The following TEX9 variants were observed in gnomAD, a reference collection of about 807,000 sequenced individuals.
The protein encoded by TEX9 is testis expressed 9.
A neutral mutation model predicts 59.6 loss-of-function variants in TEX9; 74 were observed. The ratio of observed to expected loss-of-function variants is 1.24; its 90% confidence interval spans 1.03 to 1.51. The LOEUF is 1.51. Ranked by LOEUF, TEX9 falls within the 40% of genes most tolerant of loss-of-function variation. TEX9 has a pLI of 0.00. For missense variants in TEX9, 522 were observed against 447.8 expected (o/e 1.17, Z -1.49); for synonymous variants, 186 against 152.2 (o/e 1.22, Z -1.64).
intron 1 of TEX9, among the ~76,000 whole-genome samples, chr15:56,318,576 A>G (rs147367949): frequency 0.013 from 1,935 of 151,960 alleles, 48 homozygotes; most frequent in African/African-American, 0.044. Context: ...TGTTTTCTAT[A>G]TGTCTTTCAT....
At chr15:56,398,761 G>A (rs1200217448) in intron 9 of TEX9, among the ~76,000 whole-genome samples, 1 of 152,138 alleles carries the variant, frequency 6.6e-6, no homozygotes, top group Non-Finnish European at 1.5e-5. Flanking sequence ...TCCCTTTGTA[G>A]GGGGAGAATT....
At chr15:56,341,993 T>C (rs1217808147) in intron 1 of TEX9, among the ~76,000 whole-genome samples, 1 of 152,118 alleles carries the variant, frequency 6.6e-6, no homozygotes, top group Non-Finnish European at 1.5e-5. Flanking sequence ...TTGTCAGCTA[T>C]GTTTTTTTTT....
chr15:56,320,632 A>T (rs61010710), intron 1 of TEX9, among the ~76,000 whole-genome samples: 3 of 151,980 alleles, frequency 2.0e-5, no homozygotes, highest in African/African-American at 7.3e-5. Context: ...ATTTAACTTC[A>T]GTTACCTATT....
At chr15:56,270,671 GTTA>G (rs1245950050) in intron 1 of TEX9, among the ~76,000 whole-genome samples, 2 of 152,190 alleles carry the variant, frequency 1.3e-5, no homozygotes, top group Non-Finnish European at 2.9e-5. Context: ...ATTTGATCCT[GTTA>G]TTATGATGTT....
At position 56,403,241 on chromosome 15, in the gene TEX9, G is replaced by A. The variant is rs533335447; in HGVS notation, c.828+8407G>A. Reference sequence around the variant, plus strand: ...GATTGTATGTTTAGAAAACCCCATCGTCTCAGCCCAAAATCTCCTTAAGCT... The same window carrying A: ...GATTGTATGTTTAGAAAACCCCATCATCTCAGCCCAAAATCTCCTTAAGCT... On this transcript the variant is annotated intron_variant, in intron 9 of 12. Coordinates refer to ENST00000352903, the Ensembl canonical transcript of TEX9. Among the ~76,000 whole-genome samples the A allele has an allele frequency of 9.2e-5, 14 of 152,314 alleles. No homozygotes were observed. In the East Asian group the frequency reaches 9.6e-4, roughly 10 times the overall value.
At chr15:56,292,967 A>G (rs1400963414) in intron 1 of TEX9, among the ~76,000 whole-genome samples, 1 of 152,142 alleles carries the variant, frequency 6.6e-6, no homozygotes, top group East Asian at 1.9e-4. Flanking sequence ...CTTTCTTCTG[A>G]GAATACCCCT....
At chr15:56,347,853 C>T (rs1207317635) in intron 1 of TEX9, among the ~76,000 whole-genome samples, 1 of 151,914 alleles carries the variant, frequency 6.6e-6, no homozygotes, top group African/African-American at 2.4e-5. Flanking sequence ...AAAATATTTA[C>T]AAGCAACACT....
chr15:56,315,337 G>T (rs2045729018), intron 1 of TEX9, among the ~76,000 whole-genome samples: 2 of 145,970 alleles, frequency 1.4e-5, no homozygotes, highest in South Asian at 4.5e-4. Context: ...CTCTTGTAAG[G>T]CAGGCCTGGT....
chr15:56,289,245 C>T (rs768594487), intron 1 of TEX9, among the ~76,000 whole-genome samples: 1 of 152,122 alleles, frequency 6.6e-6, no homozygotes, highest in Non-Finnish European at 1.5e-5. Context: ...TTGGAGTCAG[C>T]TACTGGGAGA....
chr15:56,385,681 G>T (rs1567113751), intron 4 of TEX9, among the ~76,000 whole-genome samples: 1 of 151,856 alleles, frequency 6.6e-6, no homozygotes, highest in Non-Finnish European at 1.5e-5. Context: ...TAGTTTGGGG[G>T]AAAGTTTTAT....
At chr15:56,403,517 G>A (rs1209811762) in intron 9 of TEX9, among the ~76,000 whole-genome samples, 11 of 152,236 alleles carry the variant, frequency 7.2e-5, no homozygotes, top group African/African-American at 2.7e-4. Context: ...CTGTACTCAT[G>A]GATAGGAAGA....
chr15:56,443,287 TTCTG>T (rs1567150883), intron 12 of TEX9: 5 of 524,256 alleles, frequency 9.5e-6, no homozygotes, highest in Admixed American at 7.9e-5. Context: ...GCTTGAAAAT[TTCTG>T]TCTTTTAACT....
intron 12 of TEX9, among the ~76,000 whole-genome samples, chr15:56,442,383 G>C (rs2050830560): frequency 6.6e-6 from 1 of 152,062 alleles, no homozygotes; most frequent in African/African-American, 2.4e-5. Flanking sequence ...CAATGGGATT[G>C]CTGGGTATAT....
chr15:56,300,294 G>A (rs910906544), intron 1 of TEX9, among the ~76,000 whole-genome samples: 8 of 151,922 alleles, frequency 5.3e-5, no homozygotes, highest in Non-Finnish European at 7.4e-5. Context: ...GGAAGGAGAG[G>A]GAAGAGTGAG....
chr15:56,458,485 A>G, the TEX9 span, among the ~76,000 whole-genome samples: 1 of 152,126 alleles, frequency 6.6e-6, no homozygotes, highest in Non-Finnish European at 1.5e-5. Context: ...CGCAAAGTCC[A>G]TAGTTTACAT....
At chr15:56,313,067 G>C (rs1170668901) in intron 1 of TEX9, among the ~76,000 whole-genome samples, 1 of 147,956 alleles carries the variant, frequency 6.8e-6, no homozygotes, top group Admixed American at 6.8e-5. Context: ...GGGTTTTCTA[G>C]ATATACAATC....
At chr15:56,399,208 A>G (rs1849567178) in intron 9 of TEX9, among the ~76,000 whole-genome samples, 1 of 152,164 alleles carries the variant, frequency 6.6e-6, no homozygotes, top group African/African-American at 2.4e-5. Flanking sequence ...TTGCTAGCCA[A>G]GGGAAGCCAT....
intron 1 of TEX9, among the ~76,000 whole-genome samples, chr15:56,334,568 A>G (rs1253678796): frequency 6.6e-6 from 1 of 152,176 alleles, no homozygotes; most frequent in Non-Finnish European, 1.5e-5. Context: ...AATACTGGGG[A>G]CACTCTTTAG....
intron 12 of TEX9, chr15:56,431,317 G>C (rs2050588398): frequency 6.3e-7 from 1 of 1,577,096 alleles, no homozygotes; most frequent in Non-Finnish European, 8.6e-7. Context: ...CAAATACCAT[G>C]TTTTTTTCAC....
Sources: allele counts gnomAD v4.1 joint callset (sites outside exome capture counted in the v4.1 genomes callset), GRCh38; gene constraint gnomAD v4.1.1; transcripts MANE v1.5; gene names NCBI Gene and HGNC (gene_info 2026-07-23, HGNC 2026-07-21).